PLCB4: variants seen among roughly 807,000 people sequenced by gnomAD.
The protein encoded by PLCB4 is phospholipase C beta 4, also known as 1-phosphatidylinositol 4,5-bisphosphate phosphodiesterase beta-4.
In PLCB4, 77 loss-of-function variants were observed where a neutral mutation model predicts 178.8. The observed-to-expected ratio is 0.43, with a 90% confidence interval of 0.36 to 0.52. The LOEUF (loss-of-function observed/expected upper bound fraction) is 0.52. Among genes scored for constraint, PLCB4 ranks in the 20% least tolerant of loss-of-function variants. PLCB4 has a pLI of 0.00. For synonymous variants in PLCB4, 496 were observed against 490.8 expected, an observed-to-expected ratio of 1.01 and a Z score of -0.14; for missense variants, 1,024 against 1,453.4, an observed-to-expected ratio of 0.70 and a Z score of 4.80.
At chr20:9,139,393 G>A (rs1289692930) in intron 2 of PLCB4, among the ~76,000 whole-genome samples, 1 of 152,054 alleles carries the variant, frequency 6.6e-6, no homozygotes. Context: ...TGCTCAAGAG[G>A]ACTCACTCAC....
At chr20:9,249,536 G>A (rs572682171) in intron 3 of PLCB4, among the ~76,000 whole-genome samples, 1 of 152,058 alleles carries the variant, frequency 6.6e-6, no homozygotes, top group East Asian at 1.9e-4. Flanking sequence ...GGCTGGTCTC[G>A]AGCTCCTGGC....
intron 20 of PLCB4, among the ~76,000 whole-genome samples, chr20:9,403,956 G>T (rs936520420): frequency 6.6e-6 from 1 of 152,220 alleles, no homozygotes; most frequent in African/African-American, 2.4e-5. Flanking sequence ...GCCAGGCAGG[G>T]TGGTGACACT....
intron 2 of PLCB4, among the ~76,000 whole-genome samples, chr20:9,115,476 G>A (rs1015355300): frequency 1.3e-5 from 2 of 149,500 alleles, no homozygotes; most frequent in Admixed American, 6.7e-5. Context: ...TGTGCACAAT[G>A]TGCAGGTTTG....
chr20:9,279,643 T>G (rs764586425), intron 3 of PLCB4, among the ~76,000 whole-genome samples: 1 of 152,098 alleles, frequency 6.6e-6, no homozygotes, highest in African/African-American at 2.4e-5. Context: ...CATCATCATT[T>G]TAATCTTCCT....
intron 2 of PLCB4, among the ~76,000 whole-genome samples, chr20:9,109,018 GC>G (rs34356299): frequency 0.13 from 19,801 of 151,900 alleles, 1,336 homozygotes; most frequent in Middle Eastern, 0.19. Flanking sequence ...AATGTAAGGT[GC>G]CCCCCACCAA....
At chr20:9,475,154 G>T (rs2044463001) in intron 38 of PLCB4, among the ~76,000 whole-genome samples, 1 of 152,184 alleles carries the variant, frequency 6.6e-6, no homozygotes. Context: ...GCACAGTTAT[G>T]TGTTAGTTAA....
chr20:9,083,225 G>A (rs2090241547), intron 1 of PLCB4, among the ~76,000 whole-genome samples: 1 of 152,142 alleles, frequency 6.6e-6, no homozygotes, highest in African/African-American at 2.4e-5. Flanking sequence ...TTTCCTTCTA[G>A]AGGTGACAGC....
At chr20:9,173,928 C>G (rs1364766294) in intron 2 of PLCB4, among the ~76,000 whole-genome samples, 1 of 152,162 alleles carries the variant, frequency 6.6e-6, no homozygotes, top group Non-Finnish European at 1.5e-5. Context: ...GGAACTGGCA[C>G]TGATTTCTAT....
chr20:9,462,598 G>T (rs951956171), intron 35 of PLCB4, among the ~76,000 whole-genome samples: 1 of 152,056 alleles, frequency 6.6e-6, no homozygotes, highest in East Asian at 1.9e-4. Flanking sequence ...GAAAACCATG[G>T]CACGAGAGCT....
At chr20:9,441,664 G>T (rs987067468) in intron 30 of PLCB4, among the ~76,000 whole-genome samples, 2 of 152,194 alleles carry the variant, frequency 1.3e-5, no homozygotes, top group South Asian at 4.1e-4. Context: ...AGGGATGAGG[G>T]AGCTGGGGAA....
At chr20:9,329,097 G>C (rs1387225014) in intron 4 of PLCB4, among the ~76,000 whole-genome samples, 1 of 152,120 alleles carries the variant, frequency 6.6e-6, no homozygotes, top group Non-Finnish European at 1.5e-5. Context: ...ATGTTGCCTC[G>C]TCCTTATTGT....
At chr20:9,131,291 C>CCTTCCTTG (rs2092266587) in intron 2 of PLCB4, among the ~76,000 whole-genome samples, 1 of 152,108 alleles carries the variant, frequency 6.6e-6, no homozygotes, top group African/African-American at 2.4e-5. Flanking sequence ...TTCTTTCCTT[C>CCTTCCTTG]CTTCCTTGCT....
upstream of PLCB4, chr20:9,068,991 CGG>C (rs2089420083): frequency 7.1e-6 from 1 of 141,334 alleles, no homozygotes; most frequent in Non-Finnish European, 1.5e-5. Flanking sequence ...TGGGGTGCGC[CGG>C]GAGGGGGCTT....
rs1477946274 is a variant in PLCB4 at position 9,421,413 on chromosome 20, T to C, written c.2271T>C (p.Asn757=). ...AATTCCGAACTCGCATGGTTATGAATAATGGACTCAATCCAGTTTACAATG... is the reference window on the plus strand; with the variant it reads ...AATTCCGAACTCGCATGGTTATGAACAATGGACTCAATCCAGTTTACAATG... The part of the protein sequence containing the change: ...RKEFRTRMVM[N]NGLNPVYNEE... The change falls in exon 27 of 40, where the codon AAT becomes AAC. Residue 757 remains asparagine, a synonymous_variant. Coordinates refer to ENST00000378473, the MANE Select transcript of PLCB4 (RefSeq NM_001377142.1). 2 of 1,614,032 alleles carry C rather than the reference T, an allele frequency of 1.2e-6. No individual in the cohort carries two copies. Among genetic ancestry groups the C allele is most frequent in the East Asian group, 4.5e-5 (2 of 44,876 alleles).
intron 19 of PLCB4, among the ~76,000 whole-genome samples, chr20:9,396,587 T>C (rs1439473264): frequency 6.6e-6 from 1 of 152,244 alleles, no homozygotes; most frequent in East Asian, 1.9e-4. Context: ...TTGTTTGTTA[T>C]GTTTCATGAG....
At chr20:9,113,602 T>C (rs1029454956) in intron 2 of PLCB4, among the ~76,000 whole-genome samples, 27 of 152,222 alleles carry the variant, frequency 1.8e-4, no homozygotes, top group Non-Finnish European at 2.4e-4. Context: ...AGTATTACTT[T>C]TCTAATAACC....
intron 30 of PLCB4, among the ~76,000 whole-genome samples, chr20:9,439,280 G>A (rs1355735449): frequency 6.6e-6 from 1 of 152,182 alleles, no homozygotes; most frequent in Non-Finnish European, 1.5e-5. Context: ...GCACACATCT[G>A]TCATTTGGCA....
chr20:9,257,209 C>G (rs531480688), intron 3 of PLCB4, among the ~76,000 whole-genome samples: 2 of 152,168 alleles, frequency 1.3e-5, no homozygotes, highest in East Asian at 3.9e-4. Context: ...ATGTAACTTG[C>G]TCTTTCTTTG....
At chr20:9,133,162 T>C (rs2092310457) in intron 2 of PLCB4, among the ~76,000 whole-genome samples, 1 of 152,196 alleles carries the variant, frequency 6.6e-6, no homozygotes, top group Non-Finnish European at 1.5e-5. Context: ...TATTTTGATA[T>C]CTTCTTACCT....
Sources: allele counts gnomAD v4.1 joint callset (sites outside exome capture counted in the v4.1 genomes callset), GRCh38; gene constraint gnomAD v4.1.1; transcripts MANE v1.5; gene names NCBI Gene and HGNC (gene_info 2026-07-23, HGNC 2026-07-21).